Variants in WWOX observed in about 807,000 individuals in gnomAD.
WWOX encodes the protein WW domain-containing oxidoreductase.
In WWOX, 69 loss-of-function variants were observed where a neutral mutation model predicts 46.2. The observed-to-expected ratio is 1.49, with a 90% CI of 1.23 to 1.82. The LOEUF is 1.82. WWOX is among the 40% of genes most tolerant of loss of function. WWOX has a pLI of 0.00. For synonymous variants in WWOX, 359 were observed against 202.6 expected (o/e 1.77, Z -6.56); for missense variants, 919 against 542.6 (o/e 1.69, Z -6.89).
chr16:78,358,721 G>A (rs1399810400), intron 5 of WWOX, among the ~76,000 whole-genome samples: 1 of 151,802 alleles, frequency 6.6e-6, no homozygotes, highest in African/African-American at 2.4e-5. Context: ...ATACAAATGA[G>A]GGAAAATATA....
At chr16:78,516,145 C>T (rs2043231252) in intron 8 of WWOX, among the ~76,000 whole-genome samples, 1 of 152,162 alleles carries the variant, frequency 6.6e-6, no homozygotes, top group South Asian at 2.1e-4. Context: ...TTCCGCAGTG[C>T]CCAGGCCAGA....
At chr16:78,626,211 A>G (rs1006604460) in intron 8 of WWOX, among the ~76,000 whole-genome samples, 19 of 151,652 alleles carry the variant, frequency 1.3e-4, no homozygotes, top group Admixed American at 2.6e-4. Context: ...GCTCACTGCA[A>G]CCTCCGCCTC....
At chr16:78,806,241 G>A (rs1389320903) in intron 8 of WWOX, among the ~76,000 whole-genome samples, 1 of 152,064 alleles carries the variant, frequency 6.6e-6, no homozygotes, top group Admixed American at 6.6e-5. Flanking sequence ...TTTCTTTCAT[G>A]AGAACCCATT....
chr16:78,979,975 A>T (rs2046648923), intron 8 of WWOX, among the ~76,000 whole-genome samples: 1 of 152,098 alleles, frequency 6.6e-6, no homozygotes, highest in Admixed American at 6.5e-5. Flanking sequence ...AAAAATACAA[A>T]AAATTAGCTG....
intron 8 of WWOX, among the ~76,000 whole-genome samples, chr16:78,619,222 T>C (rs2046115750): frequency 1.1e-5 from 1 of 91,676 alleles, no homozygotes; most frequent in African/African-American, 4.2e-5. Context: ...TATGTAGCCA[T>C]GCATGGGGGC....
At chr16:78,946,025 C>T (rs1327106965) in intron 8 of WWOX, among the ~76,000 whole-genome samples, 1 of 152,196 alleles carries the variant, frequency 6.6e-6, no homozygotes, top group Non-Finnish European at 1.5e-5. Context: ...CGCTGATCTG[C>T]ATAGCACTTC....
At chr16:79,067,212 T>A (rs542473499) in intron 8 of WWOX, among the ~76,000 whole-genome samples, 2 of 152,164 alleles carry the variant, frequency 1.3e-5, no homozygotes, top group Non-Finnish European at 2.9e-5. Context: ...CTTCTGGTGA[T>A]TCTGATATTC....
At chr16:78,826,962 TC>T (rs2051674648) in intron 8 of WWOX, among the ~76,000 whole-genome samples, 1 of 152,204 alleles carries the variant, frequency 6.6e-6, no homozygotes, top group Admixed American at 6.5e-5. Context: ...ATATGTTTCT[TC>T]CTTGCCTCTT....
At chr16:78,638,320 G>A (rs1186598349) in intron 8 of WWOX, among the ~76,000 whole-genome samples, 2 of 152,176 alleles carry the variant, frequency 1.3e-5, no homozygotes, top group East Asian at 3.9e-4. Flanking sequence ...AGGAGTCTGT[G>A]TTTGTTCTTT....
intron 5 of WWOX, among the ~76,000 whole-genome samples, chr16:78,248,875 T>C (rs967565982): frequency 1.3e-5 from 2 of 149,254 alleles, no homozygotes; most frequent in African/African-American, 4.9e-5. Context: ...TTTTTTTTTT[T>C]TTTTTTTTTT....
intron 8 of WWOX, among the ~76,000 whole-genome samples, chr16:79,152,134 T>A (rs531508996): frequency 6.6e-6 from 1 of 152,222 alleles, no homozygotes; most frequent in East Asian, 1.9e-4. Context: ...GTAAAAGATA[T>A]CGATTTTGTT....
chr16:78,875,049 C>G (rs762835560), intron 8 of WWOX, among the ~76,000 whole-genome samples: 1 of 152,150 alleles, frequency 6.6e-6, no homozygotes, highest in Admixed American at 6.5e-5. Context: ...GTTACTATTT[C>G]ATTTGCAGCA....
chr16:78,987,145 T>C (rs760416144), intron 8 of WWOX, among the ~76,000 whole-genome samples: 1 of 152,222 alleles, frequency 6.6e-6, no homozygotes, highest in Non-Finnish European at 1.5e-5. Context: ...TTCTCATTTG[T>C]AATTTTCAGA....
intron 8 of WWOX, among the ~76,000 whole-genome samples, chr16:78,989,358 C>T (rs1355965379): frequency 6.6e-6 from 1 of 152,100 alleles, no homozygotes; most frequent in Non-Finnish European, 1.5e-5. Flanking sequence ...TCTTTGCTTC[C>T]TTGGATCCCC....
At chr16:78,287,553 T>G (rs2079789604) in intron 5 of WWOX, among the ~76,000 whole-genome samples, 1 of 152,170 alleles carries the variant, frequency 6.6e-6, no homozygotes, top group African/African-American at 2.4e-5. Context: ...ACACGATTAT[T>G]GCTTTTTTTT....
rs183668851 is a variant in WWOX at position 78,422,161 on chromosome 16, C to T, written c.606-2709C>T. The stretch of plus-strand genomic sequence containing the variant: ...CTCTTAAGAAGATACGTGTTTGTCT[C>T]ATAGATTTGTAAGAACTCTTTATAT... On this transcript the variant is annotated intron_variant, in intron 6 of 8. Transcript: ENST00000566780. Among the ~76,000 whole-genome samples, 511 of 152,212 alleles carry T rather than the reference C, an allele frequency of 3.4e-3. 1 individual carries two copies. Among genetic ancestry groups the T allele is most frequent in the Admixed American group, 6.5e-3 (99 of 15,292 alleles).
intron 5 of WWOX, among the ~76,000 whole-genome samples, chr16:78,376,837 A>G (rs2081840928): frequency 6.6e-6 from 1 of 152,214 alleles, no homozygotes; most frequent in Non-Finnish European, 1.5e-5. Context: ...CTCCCTCCCA[A>G]CAGCTGGAAC....
At chr16:78,752,289 C>G (rs1353904622) in intron 8 of WWOX, among the ~76,000 whole-genome samples, 1 of 152,138 alleles carries the variant, frequency 6.6e-6, no homozygotes, top group Non-Finnish European at 1.5e-5. Context: ...GATATTCTTT[C>G]TTTCCTTTTT....
intron 8 of WWOX, among the ~76,000 whole-genome samples, chr16:79,140,583 G>A (rs1046158942): frequency 7.9e-5 from 12 of 152,180 alleles, no homozygotes; most frequent in African/African-American, 1.9e-4. Context: ...AGCATTGACC[G>A]CATGAAGGGT....
Sources: allele counts gnomAD v4.1 joint callset (sites outside exome capture counted in the v4.1 genomes callset), GRCh38; gene constraint gnomAD v4.1.1; transcripts MANE v1.5; gene names NCBI Gene and HGNC (gene_info 2026-07-23, HGNC 2026-07-21).